RABGAP1L: variants seen among roughly 807,000 people sequenced by gnomAD.
The protein encoded by RABGAP1L is RAB GTPase activating protein 1 like, also known as rab GTPase-activating protein 1-like.
RABGAP1L carries 63 observed loss-of-function variants against 137.7 expected under a neutral mutation model. That is an observed-to-expected ratio of 0.46 (90% CI 0.37 to 0.56). RABGAP1L has a LOEUF of 0.56. Ranked by LOEUF, RABGAP1L falls within the 20% of genes least tolerant of loss-of-function variation. The pLI, the probability that RABGAP1L is intolerant of heterozygous loss-of-function variation, is 0.00. For missense variants in RABGAP1L, 1,095 were observed against 1,244.0 expected, an observed-to-expected ratio of 0.88 and a Z score of 1.80; for synonymous variants, 431 against 433.7, an observed-to-expected ratio of 0.99 and a Z score of 0.08.
chr1:174,608,312 C>G (rs1396126947), intron 13 of RABGAP1L, among the ~76,000 whole-genome samples: 1 of 152,128 alleles, frequency 6.6e-6, no homozygotes, highest in African/African-American at 2.4e-5. Context: ...TCAGCCCCTA[C>G]TACATTTAGG....
At chr1:174,469,698 T>C (rs1226502693) in intron 13 of RABGAP1L, among the ~76,000 whole-genome samples, 1 of 152,212 alleles carries the variant, frequency 6.6e-6, no homozygotes, top group East Asian at 1.9e-4. Context: ...CTTAAGACAC[T>C]GATTGTGTCA....
intron 19 of RABGAP1L, among the ~76,000 whole-genome samples, chr1:174,827,302 T>G (rs1481382785): frequency 6.6e-6 from 1 of 152,192 alleles, no homozygotes; most frequent in Non-Finnish European, 1.5e-5. Flanking sequence ...CATGTGCCAC[T>G]GTGCCCAGCT....
intron 7 of RABGAP1L, among the ~76,000 whole-genome samples, chr1:174,268,396 G>T (rs2148651944): frequency 6.6e-6 from 1 of 151,850 alleles, no homozygotes; most frequent in South Asian, 2.1e-4. Flanking sequence ...TAGAGACGGA[G>T]GTTTCACCAT....
chr1:174,679,907 C>G (rs1040491796), intron 14 of RABGAP1L, among the ~76,000 whole-genome samples: 1 of 152,080 alleles, frequency 6.6e-6, no homozygotes, highest in African/African-American at 2.4e-5. Context: ...CATAGACTTA[C>G]CAGGTTTTTA....
intron 1 of RABGAP1L, among the ~76,000 whole-genome samples, chr1:174,166,226 C>T (rs1664894651): frequency 6.6e-6 from 1 of 150,832 alleles, no homozygotes; most frequent in African/African-American, 2.4e-5. Flanking sequence ...TAAGGAGAGA[C>T]AGTGTTTTTT....
intron 17 of RABGAP1L, among the ~76,000 whole-genome samples, chr1:174,745,759 TACTC>T (rs1337613269): frequency 2.0e-5 from 3 of 152,232 alleles, no homozygotes; most frequent in Admixed American, 1.3e-4. Context: ...ATTTACCAAA[TACTC>T]AGTTCACTTG....
Position 174,653,591 on chromosome 1 carries a change from C to G in RABGAP1L, c.1824+16103C>G, listed in dbSNP as rs1313738184. Among the ~76,000 whole-genome samples the G allele has an allele frequency of 3.9e-5, 6 of 152,274 alleles. No individual in the cohort carries two copies. In the East Asian group the frequency reaches 1.2e-3, roughly 29 times the overall value. On this transcript the variant is annotated intron_variant, in intron 14 of 25. Coordinates refer to ENST00000681986, the MANE Select transcript of RABGAP1L (RefSeq NM_001366446.1). ...ACCCCACCCTGCTTCAGGTTGCCCC[C>G]GTACCCACTGTCTAACCAGTCTCAA... is the stretch of plus-strand genomic sequence containing the variant.
intron 19 of RABGAP1L, chr1:174,922,216 TCA>T (rs1350201941): frequency 6.6e-6 from 1 of 152,462 alleles, no homozygotes; most frequent in Non-Finnish European, 1.5e-5. Context: ...GTGGCACCAC[TCA>T]CACAGTAACG....
At chr1:174,291,119 T>C (rs1334333535) in intron 10 of RABGAP1L, among the ~76,000 whole-genome samples, 1 of 152,186 alleles carries the variant, frequency 6.6e-6, no homozygotes, top group East Asian at 1.9e-4. Flanking sequence ...TAAAGGTAGT[T>C]TTCTATCTGA....
chr1:174,527,964 C>T (rs530963095), intron 13 of RABGAP1L, among the ~76,000 whole-genome samples: 69 of 144,338 alleles, frequency 4.8e-4, no homozygotes, highest in African/African-American at 1.7e-3. Flanking sequence ...GTAAGCACAG[C>T]TACTCTTGCT....
At chr1:174,339,731 C>G (rs1035702092) in intron 11 of RABGAP1L, among the ~76,000 whole-genome samples, 1 of 151,894 alleles carries the variant, frequency 6.6e-6, no homozygotes, top group Non-Finnish European at 1.5e-5. Context: ...CTCAGCCTCC[C>G]GAGTAGTTGG....
chr1:174,671,982 A>G (rs1315587563), intron 14 of RABGAP1L, among the ~76,000 whole-genome samples: 1 of 152,026 alleles, frequency 6.6e-6, no homozygotes, highest in Non-Finnish European at 1.5e-5. Flanking sequence ...TTTATTACTG[A>G]TTCAGTCGTC....
intron 13 of RABGAP1L, among the ~76,000 whole-genome samples, chr1:174,420,563 G>A (rs1177192627): frequency 1.3e-5 from 2 of 151,808 alleles, no homozygotes; most frequent in Non-Finnish European, 2.9e-5. Flanking sequence ...GACATCTCTA[G>A]TATTATTCTA....
intron 1 of RABGAP1L, among the ~76,000 whole-genome samples, chr1:174,194,260 A>C (rs1475743687): frequency 7.2e-6 from 1 of 139,548 alleles, no homozygotes; most frequent in Non-Finnish European, 1.5e-5. Flanking sequence ...TTGGAGACGG[A>C]GTCTTGCCCT....
chr1:174,833,467 T>TATATATATATA lies in RABGAP1L; in HGVS notation c.2340+21508_2340+21509insTATATATATAA, dbSNP rs1553259992. On this transcript the variant is annotated intron_variant, in intron 19 of 25. Transcript: ENST00000681986. ...GTGTAGAGATATATATATATATATA[T>TATATATATATA]AGTAGAGACAGGGTTCTGTCATGTT... Among the ~76,000 whole-genome samples the TATATATATATA allele has an allele frequency of 8.8e-5, 2 of 22,686 alleles. 1 individual carries two copies. Among genetic ancestry groups the TATATATATATA allele is most frequent in the East Asian group, 0.083 (2 of 24 alleles). 14.9% of individuals were successfully genotyped at this position (22,686 alleles called of 152,430 possible).
intron 18 of RABGAP1L, among the ~76,000 whole-genome samples, chr1:174,759,384 C>T (rs926722782): frequency 2.0e-5 from 3 of 150,802 alleles, no homozygotes; most frequent in African/African-American, 7.3e-5. Flanking sequence ...CACTGGAGGT[C>T]AGGAGTTAGA....
intron 13 of RABGAP1L, among the ~76,000 whole-genome samples, chr1:174,511,810 C>T (rs1363159590): frequency 4.6e-5 from 7 of 151,886 alleles, no homozygotes; most frequent in African/African-American, 7.3e-5. Context: ...TTAGTAGAGA[C>T]GGGGTTTCTC....
chr1:174,763,519 C>T lies in RABGAP1L; in HGVS notation c.2211+11165C>T, dbSNP rs1442468466. Among the ~76,000 whole-genome samples the T allele has an allele frequency of 6.6e-5, 10 of 151,364 alleles. No individual in the cohort carries two copies. In the East Asian group the frequency reaches 1.4e-3, roughly 21 times the overall value. Reference sequence around the variant, plus strand: ...CAAAAAAATTAGCCGGGCGTGGTAGCGGGCGCCTGTAGTCCCAGCTACTCG... The same window carrying T: ...CAAAAAAATTAGCCGGGCGTGGTAGTGGGCGCCTGTAGTCCCAGCTACTCG... On this transcript the variant is annotated intron_variant, in intron 18 of 25. Transcript: ENST00000681986.
At chr1:174,317,810 T>G (rs1162397918) in intron 11 of RABGAP1L, among the ~76,000 whole-genome samples, 1 of 152,048 alleles carries the variant, frequency 6.6e-6, no homozygotes, top group Non-Finnish European at 1.5e-5. Flanking sequence ...GGAACTCAAA[T>G]TTGTACCGCT....
Sources: allele counts gnomAD v4.1 joint callset (sites outside exome capture counted in the v4.1 genomes callset), GRCh38; gene constraint gnomAD v4.1.1; transcripts MANE v1.5; gene names NCBI Gene and HGNC (gene_info 2026-07-23, HGNC 2026-07-21).